The following PREPL variants were observed in gnomAD, a reference collection of about 807,000 sequenced individuals.
PREPL encodes the protein prolyl endopeptidase like, also known as prolyl endopeptidase-like.
A neutral mutation model predicts 70.6 loss-of-function variants in PREPL; 77 were observed. The observed-to-expected ratio is 1.09, with a 90% confidence interval of 0.91 to 1.32. The LOEUF (loss-of-function observed/expected upper bound fraction) is 1.32. Among genes scored for constraint, PREPL ranks in the 40% most tolerant of loss-of-function variants. PREPL has a pLI of 0.00. For missense variants in PREPL, 1,002 were observed against 778.2 expected (o/e 1.29, Z -3.42); for synonymous variants, 315 against 264.8 (o/e 1.19, Z -1.84).
intron 1 of PREPL, chr2:44,360,414 C>T (rs1026577790): frequency 2.0e-5 from 3 of 152,142 alleles, no homozygotes; most frequent in African/African-American, 4.8e-5. Flanking sequence ...AGCTGTATAG[C>T]AAAAAATCCA....
chr2:44,344,826 G>A (rs548466147), intron 2 of PREPL, among the ~76,000 whole-genome samples: 4 of 152,296 alleles, frequency 2.6e-5, no homozygotes, highest in African/African-American at 9.6e-5. Context: ...AGGCAATAAA[G>A]AAAAGGTATA....
At chr2:44,342,600 T>TAAA (rs11421998) in intron 4 of PREPL, 48 bp from the exon 5 acceptor site, 577 of 949,112 alleles carry the variant, frequency 6.1e-4, no homozygotes, top group South Asian at 1.2e-3. Context: ...TACACTCCAT[T>TAAA]AAAAAAAAAA....
chr2:44,340,857 C>A (rs78038783), intron 5 of PREPL, among the ~76,000 whole-genome samples: 2 of 149,394 alleles, frequency 1.3e-5, no homozygotes, highest in Non-Finnish European at 3.0e-5. Context: ...GAACCTGGGA[C>A]GCAGAGGTTG....
At chr2:44,342,822 T>C (rs376442812) in intron 4 of PREPL, among the ~76,000 whole-genome samples, 1 of 152,176 alleles carries the variant, frequency 6.6e-6, no homozygotes, top group East Asian at 1.9e-4. Flanking sequence ...ATGCTCAATA[T>C]TTAGGAAAGA....
chr2:44,333,512 A>C (rs2103851116), intron 7 of PREPL, among the ~76,000 whole-genome samples: 1 of 152,084 alleles, frequency 6.6e-6, no homozygotes, highest in East Asian at 1.9e-4. Flanking sequence ...CAGAAACATC[A>C]CTGGTGGGCA....
intron 7 of PREPL, among the ~76,000 whole-genome samples, chr2:44,335,639 G>C (rs979232704): frequency 6.6e-6 from 1 of 152,014 alleles, no homozygotes; most frequent in African/African-American, 2.4e-5. Flanking sequence ...CTACAGAAAG[G>C]CAAAGATTTT....
rs1005012123 is a variant in PREPL, at chr2:44,343,850, C to G, written c.244G>C (p.Ala82Pro). 1 of 1,613,900 alleles carries G rather than the reference C, an allele frequency of 6.2e-7. No individual in the cohort carries two copies. Among genetic ancestry groups the G allele is most frequent in the Non-Finnish European group, 8.5e-7 (1 of 1,179,852 alleles). ...IRVAPDEKYV[A>P]AKIRTEDSEA... ...GAATCTTCAGTTCTTATCTTGGCAG[C>G]CACATATTTTTCATCTGGAGCAACT... Residue 82 changes from alanine to proline, a missense_variant, in exon 4 of 14, where the codon GCT becomes CCT. Coordinates refer to ENST00000409411, the MANE Select transcript of PREPL (RefSeq NM_001171613.2).
chr2:44,322,682 G>T, intron 12 of PREPL, 49 bp downstream of exon 12: 1 of 1,589,816 alleles, frequency 6.3e-7, no homozygotes, highest in South Asian at 1.1e-5. Context: ...AGTGTGCTGT[G>T]GGTAGTAGTC....
chr2:44,356,552 CAAACAAACA>C (rs1401991629), intron 1 of PREPL, among the ~76,000 whole-genome samples: 4 of 148,694 alleles, frequency 2.7e-5, no homozygotes, highest in African/African-American at 1.0e-4. Flanking sequence ...CTCAAACAAA[CAAACAAACA>C]AACAAACAAC....
rs1672790752 is a variant in PREPL, at chr2:44,320,036, A to T, written c.*1320T>A. The T allele has an allele frequency of 1.6e-6, 1 of 623,260 alleles. No individual in the cohort carries two copies. Among genetic ancestry groups the T allele is most frequent in the South Asian group, 2.0e-5 (1 of 49,806 alleles). The allele number at this position is 623,260 out of a possible 1,614,324, so 38.6% of individuals were successfully genotyped here. ...ATTTGTCATTTCTATCAGTTTTTAT[A>T]TAAATTGTTCTTACCTACTTATTGA... On this transcript the variant is annotated 3_prime_UTR_variant, in exon 14 of 14. Transcript: ENST00000409411.
intron 1 of PREPL, among the ~76,000 whole-genome samples, chr2:44,357,495 CAT>C (rs1281389176): frequency 1.3e-5 from 2 of 152,246 alleles, no homozygotes; most frequent in African/African-American, 2.4e-5. Context: ...TGATACATGA[CAT>C]GTGACAGCAG....
At chr2:44,337,448 C>T (rs567931182) in intron 7 of PREPL, among the ~76,000 whole-genome samples, 44 of 152,150 alleles carry the variant, frequency 2.9e-4, no homozygotes, top group Non-Finnish European at 5.3e-4. Context: ...TAACAGCTTT[C>T]GATTCTATAA....
At position 44,322,715 on chromosome 2, in the gene PREPL, C is replaced by T; in HGVS notation, c.1753+16G>A. On this transcript the variant is annotated intron_variant, in intron 12 of 13. Transcript: ENST00000409411. ...GTCTGTTTGGCCATGTTCCCTGCTTCTAGGGGGTCTCCTACCTTCACCTGT... is the reference window on the plus strand; with the variant it reads ...GTCTGTTTGGCCATGTTCCCTGCTTTTAGGGGGTCTCCTACCTTCACCTGT... 2 of 1,610,682 alleles carry T rather than the reference C, an allele frequency of 1.2e-6. No homozygotes were observed. The highest frequency in any genetic ancestry group is 1.7e-6 in the Non-Finnish European group (2 of 1,178,464).
chr2:44,338,306 T>C, intron 7 of PREPL, 45 bp downstream of exon 7: 1 of 1,510,324 alleles, frequency 6.6e-7, no homozygotes, highest in Non-Finnish European at 9.0e-7. Context: ...CTAAACTGCA[T>C]AAATATTTTG....
chr2:44,332,750 A>G (rs745646026), intron 7 of PREPL, 94 bp from the exon 8 acceptor site: 6 of 1,006,866 alleles, frequency 6.0e-6, no homozygotes, highest in South Asian at 1.7e-5. Flanking sequence ...GATGATGTGG[A>G]TATCTCGTTT....
rs1672712377 is a variant in PREPL at position 44,319,274 on chromosome 2, C to A, written c.*2082G>T. ...AAGAATACAATTAAATGAACATTATCACTGATTTGGCAACAGCTCTTATGA... is the reference window on the plus strand; with the variant it reads ...AAGAATACAATTAAATGAACATTATAACTGATTTGGCAACAGCTCTTATGA... On this transcript the variant is annotated 3_prime_UTR_variant, in exon 14 of 14. Transcript: ENST00000409411. 1 of 152,608 alleles carries A rather than the reference C, an allele frequency of 6.6e-6. No individual in the cohort carries two copies. The highest frequency in any genetic ancestry group is 2.1e-4 in the South Asian group (1 of 4,826). 9.5% of individuals were successfully genotyped at this position (152,608 alleles called of 1,614,324 possible).
chr2:44,361,739 C>T (rs1404709324), upstream of PREPL: 1 of 439,470 alleles, frequency 2.3e-6, no homozygotes, highest in Non-Finnish European at 3.9e-6. Flanking sequence ...GACAGCGTTC[C>T]AGTAGCCCTG....
chr2:44,359,136 T>C (rs1677380175), intron 1 of PREPL, among the ~76,000 whole-genome samples: 1 of 146,728 alleles, frequency 6.8e-6, no homozygotes, highest in Non-Finnish European at 1.5e-5. Flanking sequence ...TGGTGCGATC[T>C]CAGCTCACCG....
Position 44,346,254 on chromosome 2 carries a change from A to T in PREPL, c.75+14T>A. The T allele has an allele frequency of 6.2e-7, 1 of 1,601,864 alleles. No individual in the cohort carries two copies. Among genetic ancestry groups the T allele is most frequent in the Non-Finnish European group, 8.5e-7 (1 of 1,175,896 alleles). ...ATATCAAAAATTTTTTTTTAAAGAC[A>T]TGAGATATCTTACTTCCACATTGAT... On this transcript the variant is annotated intron_variant, in intron 2 of 13. Coordinates refer to ENST00000409411, the MANE Select transcript of PREPL (RefSeq NM_001171613.2).
Sources: allele counts gnomAD v4.1 joint callset (sites outside exome capture counted in the v4.1 genomes callset), GRCh38; gene constraint gnomAD v4.1.1; transcripts MANE v1.5; gene names NCBI Gene and HGNC (gene_info 2026-07-23, HGNC 2026-07-21).